Variants in TBC1D22A observed in about 807,000 individuals in gnomAD.
TBC1D22A encodes the protein putative GTPase activator.
TBC1D22A carries 38 observed loss-of-function variants against 60.2 expected under a neutral mutation model. The observed-to-expected ratio is 0.63, with a 90% CI of 0.49 to 0.83. The LOEUF (loss-of-function observed/expected upper bound fraction) is 0.83. Ranked by LOEUF, TBC1D22A falls within the 40% of genes least tolerant of loss-of-function variation. TBC1D22A has a pLI of 0.00. For synonymous variants in TBC1D22A, 302 were observed against 281.7 expected, an observed-to-expected ratio of 1.07 and a Z score of -0.72; for missense variants, 628 against 701.0, an observed-to-expected ratio of 0.90 and a Z score of 1.18.
intron 9 of TBC1D22A, among the ~76,000 whole-genome samples, chr22:46,993,448 C>T (rs888779751): frequency 6.6e-6 from 1 of 152,122 alleles, no homozygotes; most frequent in Non-Finnish European, 1.5e-5. Flanking sequence ...TGCATACTTA[C>T]TTTTTATGAA....
chr22:47,025,286 T>C (rs1341381381), intron 10 of TBC1D22A, among the ~76,000 whole-genome samples: 10 of 152,174 alleles, frequency 6.6e-5, no homozygotes, highest in Admixed American at 6.5e-4. Flanking sequence ...ATTCCAAGAG[T>C]GCACATTCTT....
At chr22:47,003,744 TAC>T (rs371399551) in intron 10 of TBC1D22A, among the ~76,000 whole-genome samples, 5 of 75,256 alleles carry the variant, frequency 6.6e-5, no homozygotes, top group Admixed American at 4.3e-4. Context: ...CACATGCCTG[TAC>T]ACACACACCG....
At chr22:46,997,874 T>C (rs1413850142) in intron 10 of TBC1D22A, among the ~76,000 whole-genome samples, 165 bp downstream of exon 10, 1 of 152,170 alleles carries the variant, frequency 6.6e-6, no homozygotes, top group East Asian at 1.9e-4. Flanking sequence ...GCTGCTCTTA[T>C]TTCTTCTTAT....
intron 11 of TBC1D22A, among the ~76,000 whole-genome samples, chr22:47,076,524 A>C (rs1468617457): frequency 6.6e-6 from 1 of 151,990 alleles, no homozygotes; most frequent in Admixed American, 6.6e-5. Flanking sequence ...CTTTTTAAAT[A>C]ATTGAACAGT....
At chr22:47,024,450 C>T (rs1440427861) in intron 10 of TBC1D22A, among the ~76,000 whole-genome samples, 3 of 152,016 alleles carry the variant, frequency 2.0e-5, no homozygotes, top group Admixed American at 1.3e-4. Flanking sequence ...AATCAACACC[C>T]AACTGTGTCC....
Position 47,111,667 on chromosome 22 carries a change from A to G in TBC1D22A, c.1425+64A>G, listed in dbSNP as rs541091349. 9.5e-5 allele frequency: 137 copies of G among 1,442,358 alleles called. 1 individual carries two copies. In the South Asian group the frequency reaches 1.6e-3, roughly 17 times the overall value. The allele number at this position is 1,442,358 out of a possible 1,614,324, so 89.3% of individuals were successfully genotyped here. A position where few individuals can be genotyped will look rare whatever the true frequency, so the allele number is the denominator to read the frequency against. On this transcript the variant is annotated intron_variant, in intron 12 of 12. Transcript: ENST00000337137. ...TTCTACTAGGAGAGAGGTTTATTAC[A>G]TTTTAGTTCACAGGGTTATTTGTGG...
intron 4 of TBC1D22A, among the ~76,000 whole-genome samples, chr22:46,835,235 G>T (rs2086467221): frequency 6.6e-6 from 1 of 152,170 alleles, no homozygotes; most frequent in South Asian, 2.1e-4. Context: ...AGGGAAACAT[G>T]ACCTGACGAA....
At chr22:47,157,234 C>T (rs548959537) in intron 12 of TBC1D22A, among the ~76,000 whole-genome samples, 34 of 152,324 alleles carry the variant, frequency 2.2e-4, no homozygotes, top group African/African-American at 7.2e-4. Context: ...CTGTAGTCCG[C>T]GGCTCCTCCC....
chr22:47,040,332 C>T (rs753091612), intron 11 of TBC1D22A, among the ~76,000 whole-genome samples: 2 of 152,080 alleles, frequency 1.3e-5, no homozygotes, highest in Non-Finnish European at 2.9e-5. Flanking sequence ...GTAAACCACT[C>T]GGGAGAGTCT....
chr22:46,783,958 A>G (rs550876755), intron 1 of TBC1D22A, among the ~76,000 whole-genome samples: 15 of 152,366 alleles, frequency 9.8e-5, no homozygotes, highest in Non-Finnish European at 2.1e-4. Flanking sequence ...TCTGCTTTTC[A>G]TAAGGAATCA....
At chr22:46,811,443 T>C (rs374174774) in intron 4 of TBC1D22A, among the ~76,000 whole-genome samples, 1 of 152,112 alleles carries the variant, frequency 6.6e-6, no homozygotes, top group Non-Finnish European at 1.5e-5. Flanking sequence ...TCTTGTCTCA[T>C]GGGTGTGATT....
chr22:46,854,882 C>T (rs548612260), intron 4 of TBC1D22A, among the ~76,000 whole-genome samples: 4 of 152,276 alleles, frequency 2.6e-5, no homozygotes, highest in South Asian at 2.1e-4. Flanking sequence ...GCTGATCCCC[C>T]GGCTCATTGT....
chr22:46,905,786 G>A (rs5769227), intron 7 of TBC1D22A, among the ~76,000 whole-genome samples: 40,376 of 152,102 alleles, frequency 0.27, 5,864 homozygotes, highest in East Asian at 0.62. Flanking sequence ...ACCTGTGGGC[G>A]GGCAGGAATC....
intron 8 of TBC1D22A, among the ~76,000 whole-genome samples, chr22:46,940,035 G>A (rs1004909769): frequency 1.3e-5 from 2 of 152,192 alleles, no homozygotes; most frequent in Non-Finnish European, 2.9e-5. Flanking sequence ...GCAAGAAAGG[G>A]AGTACTGCGA....
chr22:46,811,219 G>T (rs2085363651), intron 4 of TBC1D22A, among the ~76,000 whole-genome samples: 1 of 152,226 alleles, frequency 6.6e-6, no homozygotes, highest in African/African-American at 2.4e-5. Context: ...GCCTGGTCAG[G>T]AAGACCCATT....
intron 7 of TBC1D22A, among the ~76,000 whole-genome samples, chr22:46,908,902 C>G (rs940576629): frequency 2.0e-5 from 3 of 152,166 alleles, no homozygotes; most frequent in Non-Finnish European, 4.4e-5. Context: ...TCAGGCAGAA[C>G]TCGGTCTATC....
rs145335936 is a variant in TBC1D22A at position 46,782,124 on chromosome 22, G to A, written c.63-10396G>A. ...GGCTGGTGTGCAGTGGCACGATCTC[G>A]GCTCACTGCAACCTCCGCCTCCTGG... On this transcript the variant is annotated intron_variant, in intron 1 of 12. Transcript: ENST00000337137. 3.3e-4 allele frequency among the ~76,000 whole-genome samples: 50 copies of A among 152,260 alleles called. 1 individual carries two copies. In the East Asian group the frequency reaches 7.9e-3, roughly 24 times the overall value.
chr22:47,102,683 C>T (rs1390455470), intron 11 of TBC1D22A, among the ~76,000 whole-genome samples: 1 of 152,176 alleles, frequency 6.6e-6, no homozygotes, highest in Non-Finnish European at 1.5e-5. Flanking sequence ...ATGCCCTCTC[C>T]TAAGTTCTGC....
intron 4 of TBC1D22A, among the ~76,000 whole-genome samples, chr22:46,825,734 C>G (rs997081632): frequency 6.6e-6 from 1 of 152,168 alleles, no homozygotes; most frequent in Admixed American, 6.5e-5. Context: ...TTGGCCTCCC[C>G]AAAGTGCTGG....
Sources: allele counts gnomAD v4.1 joint callset (sites outside exome capture counted in the v4.1 genomes callset), GRCh38; gene constraint gnomAD v4.1.1; transcripts MANE v1.5; gene names NCBI Gene and HGNC (gene_info 2026-07-23, HGNC 2026-07-21).